The following ARNT2 variants were observed in gnomAD, a reference collection of about 807,000 sequenced individuals.
ARNT2 encodes the protein ARNT protein 2.
ARNT2 carries 36 observed loss-of-function variants against 91.7 expected under a neutral mutation model. The ratio of observed to expected loss-of-function variants is 0.39; its 90% CI spans 0.30 to 0.52. The LOEUF (loss-of-function observed/expected upper bound fraction) is 0.52. ARNT2 is among the 20% of genes least tolerant of loss of function. The pLI, the probability that ARNT2 is intolerant of heterozygous loss-of-function variation, is 0.72. For synonymous variants in ARNT2, 365 were observed against 347.1 expected, an observed-to-expected ratio of 1.05 and a Z score of -0.57; for missense variants, 775 against 939.3, an observed-to-expected ratio of 0.83 and a Z score of 2.29.
At position 80,597,266 on chromosome 15, in the gene ARNT2, C is replaced by T; in HGVS notation, c.*3568C>T. The T allele has an allele frequency of 1.9e-6, 1 of 518,452 alleles. No individual in the cohort carries two copies. The highest frequency in any genetic ancestry group is 1.4e-5 in the South Asian group (1 of 71,442). 32.1% of individuals were successfully genotyped at this position (518,452 alleles called of 1,614,324 possible). On this transcript the variant is annotated 3_prime_UTR_variant, in exon 19 of 19. Coordinates refer to ENST00000303329, the MANE Select transcript of ARNT2 (RefSeq NM_014862.4). Reference sequence around the variant, plus strand: ...CATAAGCTATGCGAGAATGTGAACGCTCACCTTGCTCCGTCACGGTTCTGA... The same window carrying T: ...CATAAGCTATGCGAGAATGTGAACGTTCACCTTGCTCCGTCACGGTTCTGA...
chr15:80,480,761 T>TCCTG (rs201425682), intron 5 of ARNT2, among the ~76,000 whole-genome samples: 5 of 151,892 alleles, frequency 3.3e-5, no homozygotes, highest in South Asian at 2.1e-4. Context: ...TCCCCATCCT[T>TCCTG]CCTGCCTGCC....
chr15:80,575,013 T>C lies in ARNT2; in HGVS notation c.1416T>C (p.Gly472=), dbSNP rs779770046. 1.9e-6 allele frequency: 3 copies of C among 1,614,140 alleles called. No homozygotes were observed. Among genetic ancestry groups the C allele is most frequent in the Admixed American group, 1.7e-5 (1 of 60,014 alleles). The change falls in exon 14 of 19, where the codon GGT becomes GGC. Residue 472 remains glycine, a synonymous_variant. Transcript: ENST00000303329. ...SQVPVPNLPA[G]VHEAGKSVEK... ...TCCCCGTCCCCAACCTACCAGCCGG[T>C]GTTCATGAGGCCGGGAAGTCCGTGG...
chr15:80,414,933 C>T (rs1321100683), intron 1 of ARNT2, among the ~76,000 whole-genome samples: 3 of 152,142 alleles, frequency 2.0e-5, no homozygotes, highest in African/African-American at 4.8e-5. Flanking sequence ...AGGTTGGCTA[C>T]GTGTGTGTTC....
intron 1 of ARNT2, among the ~76,000 whole-genome samples, chr15:80,422,872 C>A (rs1289833987): frequency 6.6e-6 from 1 of 152,164 alleles, no homozygotes; most frequent in Admixed American, 6.5e-5. Context: ...TCTGGATTTA[C>A]ATATACCAAA....
intron 12 of ARNT2, among the ~76,000 whole-genome samples, chr15:80,565,749 G>A (rs1380956608): frequency 6.6e-6 from 1 of 151,682 alleles, no homozygotes; most frequent in African/African-American, 2.4e-5. Flanking sequence ...TCATTGATTT[G>A]TTTAAATTCC....
intron 1 of ARNT2, among the ~76,000 whole-genome samples, chr15:80,450,334 C>G (rs1159787352): frequency 6.6e-6 from 1 of 152,198 alleles, no homozygotes; most frequent in Non-Finnish European, 1.5e-5. Flanking sequence ...TCACTGTCTT[C>G]GTCAATAACA....
chr15:80,586,793 A>T (rs532537057), intron 17 of ARNT2, among the ~76,000 whole-genome samples: 35 of 149,994 alleles, frequency 2.3e-4, no homozygotes, highest in Non-Finnish European at 3.5e-4. Context: ...GTGAGCCGAG[A>T]TTGCACCACT....
chr15:80,592,102 A>C (rs1273839355), intron 18 of ARNT2, among the ~76,000 whole-genome samples: 1 of 152,142 alleles, frequency 6.6e-6, no homozygotes, highest in Non-Finnish European at 1.5e-5. Context: ...CAGGATGTGG[A>C]GGACATCCCC....
At chr15:80,507,912 C>A (rs1052979725) in intron 5 of ARNT2, among the ~76,000 whole-genome samples, 1 of 152,106 alleles carries the variant, frequency 6.6e-6, no homozygotes, top group African/African-American at 2.4e-5. Flanking sequence ...GCGACGGAAT[C>A]CAGCAAAGCA....
intron 1 of ARNT2, among the ~76,000 whole-genome samples, chr15:80,421,190 G>A (rs1442117424): frequency 2.6e-5 from 4 of 152,162 alleles, no homozygotes; most frequent in African/African-American, 7.2e-5. Flanking sequence ...ACTTAGAAGC[G>A]AGAGCTAAGC....
rs567000073 is a variant in ARNT2 at position 80,570,530 on chromosome 15, C to T, written c.1317-3618C>T. Among the ~76,000 whole-genome samples the T allele has an allele frequency of 4.3e-4, 65 of 152,164 alleles. 1 individual carries two copies. Among genetic ancestry groups the T allele is most frequent in the Non-Finnish European group, 7.1e-4 (48 of 67,986 alleles). On this transcript the variant is annotated intron_variant, in intron 12 of 18. Coordinates refer to ENST00000303329, the MANE Select transcript of ARNT2 (RefSeq NM_014862.4). Reference sequence around the variant, plus strand: ...CTATTGATTATACTGATTCATTTTTCAATTTCTGAAATATCAATTTGTTTG... The same window carrying T: ...CTATTGATTATACTGATTCATTTTTTAATTTCTGAAATATCAATTTGTTTG...
intron 1 of ARNT2, among the ~76,000 whole-genome samples, chr15:80,437,512 G>A (rs1317365282): frequency 2.0e-5 from 3 of 152,224 alleles, no homozygotes; most frequent in Non-Finnish European, 4.4e-5. Flanking sequence ...TGATAATGAT[G>A]CTTCTTTCAC....
At chr15:80,448,749 C>G (rs7168368) in intron 1 of ARNT2, among the ~76,000 whole-genome samples, 2,505 of 152,032 alleles carry the variant, frequency 0.016, 81 homozygotes, top group East Asian at 0.11. Context: ...TTTGGGAGGC[C>G]GAGGTGGGCA....
At chr15:80,549,870 C>T (rs1381267853) in intron 8 of ARNT2, among the ~76,000 whole-genome samples, 1 of 152,200 alleles carries the variant, frequency 6.6e-6, no homozygotes, top group Non-Finnish European at 1.5e-5. Flanking sequence ...AAACGCACTT[C>T]TGATGATAAT....
chr15:80,461,875 T>C (rs1896560415), intron 3 of ARNT2, among the ~76,000 whole-genome samples: 1 of 152,186 alleles, frequency 6.6e-6, no homozygotes, highest in South Asian at 2.1e-4. Flanking sequence ...GACCTCACTC[T>C]TGGAATTCCA....
intron 5 of ARNT2, among the ~76,000 whole-genome samples, chr15:80,490,485 G>C (rs1429045473): frequency 6.6e-6 from 1 of 152,266 alleles, no homozygotes. Context: ...GACATCCGCA[G>C]TGTCTACTGA....
At chr15:80,550,849 A>G (rs1229065156) in intron 8 of ARNT2, among the ~76,000 whole-genome samples, 1 of 152,242 alleles carries the variant, frequency 6.6e-6, no homozygotes, top group African/African-American at 2.4e-5. Flanking sequence ...TAAGAGAGAT[A>G]TTTACATAAG....
intron 8 of ARNT2, among the ~76,000 whole-genome samples, chr15:80,521,933 C>T (rs1217382091): frequency 6.6e-6 from 1 of 152,122 alleles, no homozygotes; most frequent in African/African-American, 2.4e-5. Context: ...TTCCTTTGCT[C>T]ATTACCATGC....
chr15:80,439,695 A>G (rs1185730353), intron 1 of ARNT2, among the ~76,000 whole-genome samples: 3 of 152,198 alleles, frequency 2.0e-5, no homozygotes, highest in Non-Finnish European at 4.4e-5. Context: ...GTCAACATGC[A>G]TCTTGGTCAT....
Sources: allele counts gnomAD v4.1 joint callset (sites outside exome capture counted in the v4.1 genomes callset), GRCh38; gene constraint gnomAD v4.1.1; transcripts MANE v1.5; gene names NCBI Gene and HGNC (gene_info 2026-07-23, HGNC 2026-07-21).